CACNA2D1: variants seen among roughly 807,000 people sequenced by gnomAD.
CACNA2D1 encodes calcium voltage-gated channel auxiliary subunit alpha2delta 1.
A neutral mutation model predicts 171.5 loss-of-function variants in CACNA2D1; 53 were observed. The ratio of observed to expected loss-of-function variants is 0.31; its 90% CI spans 0.25 to 0.39. The LOEUF is 0.39. CACNA2D1 is among the 10% of genes least tolerant of loss of function. CACNA2D1 has a pLI of 1.00. For synonymous variants in CACNA2D1, 442 were observed against 443.1 expected, an observed-to-expected ratio of 1.00 and a Z score of 0.03; for missense variants, 903 against 1,299.8, an observed-to-expected ratio of 0.69 and a Z score of 4.69.
At chr7:82,175,511 C>T (rs1034044787) in intron 3 of CACNA2D1, among the ~76,000 whole-genome samples, 10 of 152,026 alleles carry the variant, frequency 6.6e-5, no homozygotes, top group Admixed American at 2.0e-4. Flanking sequence ...CTTCATCAAA[C>T]GGTTCTTAGC....
At chr7:82,080,633 T>C (rs1380673707) in intron 7 of CACNA2D1, among the ~76,000 whole-genome samples, 1 of 152,250 alleles carries the variant, frequency 6.6e-6, no homozygotes, top group African/African-American at 2.4e-5. Context: ...AGTTATTCAT[T>C]GCTTATTTGA....
chr7:82,381,100 C>T (rs1300783651), intron 1 of CACNA2D1, among the ~76,000 whole-genome samples: 2 of 151,930 alleles, frequency 1.3e-5, no homozygotes, highest in Non-Finnish European at 2.9e-5. Context: ...ATCACGAGGT[C>T]AGGAGATCGA....
chr7:81,961,390 A>G lies in CACNA2D1; in HGVS notation c.2966+504T>C, dbSNP rs147780717. ...CCAGTTCCTTCAAATTCAAATAAAGATAACATTCAGTTCTTCAAGTCAGAG... is the reference window on the plus strand; with the variant it reads ...CCAGTTCCTTCAAATTCAAATAAAGGTAACATTCAGTTCTTCAAGTCAGAG... On this transcript the variant is annotated intron_variant, in intron 36 of 38. Coordinates refer to ENST00000356860, the MANE Select transcript of CACNA2D1 (RefSeq NM_000722.4). Among the ~76,000 whole-genome samples, 21 of 152,162 alleles carry G rather than the reference A, an allele frequency of 1.4e-4. No homozygotes were observed. In the East Asian group the frequency reaches 3.7e-3, roughly 27 times the overall value.
chr7:82,240,413 A>G (rs1467503612), intron 3 of CACNA2D1, among the ~76,000 whole-genome samples: 1 of 152,206 alleles, frequency 6.6e-6, no homozygotes, highest in African/African-American at 2.4e-5. Flanking sequence ...TAATAATCTC[A>G]TTTTATATTT....
intron 4 of CACNA2D1, among the ~76,000 whole-genome samples, chr7:82,155,742 A>T (rs1220991998): frequency 2.0e-5 from 3 of 152,318 alleles, no homozygotes; most frequent in African/African-American, 2.4e-5. Flanking sequence ...ATGACATTTT[A>T]AAAAATGACA....
intron 6 of CACNA2D1, among the ~76,000 whole-genome samples, chr7:82,105,193 AT>A (rs1388147476): frequency 1.3e-5 from 2 of 152,174 alleles, no homozygotes; most frequent in East Asian, 3.9e-4. Context: ...TATATGCAAA[AT>A]TATTGTGTCA....
chr7:82,254,521 A>G (rs1806053871), intron 3 of CACNA2D1, among the ~76,000 whole-genome samples: 1 of 152,130 alleles, frequency 6.6e-6, no homozygotes, highest in Non-Finnish European at 1.5e-5. Flanking sequence ...ACATATGGTT[A>G]CTATTAGCAG....
chr7:82,375,287 A>G (rs1822892242), intron 1 of CACNA2D1, among the ~76,000 whole-genome samples: 1 of 152,170 alleles, frequency 6.6e-6, no homozygotes, highest in African/African-American at 2.4e-5. Flanking sequence ...TGGAGAATGC[A>G]GTCACTGGTG....
intron 1 of CACNA2D1, among the ~76,000 whole-genome samples, chr7:82,356,461 C>G (rs145136299): frequency 6.6e-6 from 1 of 152,122 alleles, no homozygotes; most frequent in African/African-American, 2.4e-5. Context: ...ATTCTCGTCT[C>G]TCCACTAAAC....
chr7:82,408,243 G>A (rs1012277945), intron 1 of CACNA2D1, among the ~76,000 whole-genome samples: 6 of 151,740 alleles, frequency 4.0e-5, no homozygotes, highest in African/African-American at 1.2e-4. Flanking sequence ...GGTTGGTCTC[G>A]AACTCCTGAC....
intron 3 of CACNA2D1, among the ~76,000 whole-genome samples, chr7:82,258,079 T>C (rs968830864): frequency 5.3e-5 from 8 of 152,146 alleles, no homozygotes; most frequent in Non-Finnish European, 1.0e-4. Flanking sequence ...AGGACACTTT[T>C]TCTGGGACTG....
At chr7:82,166,104 A>T (rs1178299946) in intron 4 of CACNA2D1, among the ~76,000 whole-genome samples, 1 of 152,090 alleles carries the variant, frequency 6.6e-6, no homozygotes, top group African/African-American at 2.4e-5. Flanking sequence ...ATGAATAAGG[A>T]TAGATGAAAT....
At chr7:82,090,029 AT>A (rs1810958441) in intron 6 of CACNA2D1, among the ~76,000 whole-genome samples, 2 of 152,212 alleles carry the variant, frequency 1.3e-5, no homozygotes, top group Admixed American at 1.3e-4. Flanking sequence ...AAAGTATGAA[AT>A]GTGATGTTTT....
chr7:82,436,039 T>C (rs555260534), intron 1 of CACNA2D1, among the ~76,000 whole-genome samples: 22 of 152,324 alleles, frequency 1.4e-4, no homozygotes, highest in South Asian at 2.1e-4. Flanking sequence ...CAGTGTTCCA[T>C]AGTCAGCTTG....
intron 1 of CACNA2D1, among the ~76,000 whole-genome samples, chr7:82,389,520 A>C (rs1824848734): frequency 6.6e-6 from 1 of 152,196 alleles, no homozygotes; most frequent in Non-Finnish European, 1.5e-5. Context: ...TTAGAAGTAC[A>C]GAATGCTAAA....
chr7:82,183,101 T>C (rs1190824170), intron 3 of CACNA2D1, among the ~76,000 whole-genome samples: 1 of 151,766 alleles, frequency 6.6e-6, no homozygotes, highest in Non-Finnish European at 1.5e-5. Flanking sequence ...TATTTTGACC[T>C]CCATAGTGAA....
intron 2 of CACNA2D1, among the ~76,000 whole-genome samples, chr7:82,345,018 G>A (rs563444688): frequency 3.9e-5 from 6 of 152,084 alleles, no homozygotes; most frequent in South Asian, 2.1e-4. Flanking sequence ...TTGCCTGCGC[G>A]TCTTGCTGAT....
chr7:82,281,155 A>T (rs1810046674), intron 3 of CACNA2D1, among the ~76,000 whole-genome samples: 1 of 152,088 alleles, frequency 6.6e-6, no homozygotes, highest in Non-Finnish European at 1.5e-5. Context: ...TTCTCAGGAG[A>T]CTCTGGTTTG....
intron 15 of CACNA2D1, among the ~76,000 whole-genome samples, chr7:82,010,606 G>A (rs969374014): frequency 1.3e-5 from 2 of 152,022 alleles, no homozygotes; most frequent in African/African-American, 4.8e-5. Context: ...CCACAGCTTT[G>A]GATCACTATG....
Sources: gnomAD v4.1 joint callset for allele counts (sites outside exome capture counted in the v4.1 genomes callset) on GRCh38, gnomAD v4.1.1 for gene constraint, MANE v1.5 for transcripts, NCBI Gene and HGNC (gene_info 2026-07-23, HGNC 2026-07-21) for gene names.